The following RIMKLB variants were observed in gnomAD, a reference collection of about 807,000 sequenced individuals.
RIMKLB encodes ribosomal modification protein rimK like family member B.
Under a neutral mutation model 32.0 loss-of-function variants are expected in RIMKLB, and 7 were observed. That is an observed-to-expected ratio of 0.22 (90% CI 0.12 to 0.41). The LOEUF (loss-of-function observed/expected upper bound fraction) is 0.41. Ranked by LOEUF, RIMKLB falls within the 10% of genes least tolerant of loss-of-function variation. The pLI, the probability that RIMKLB is intolerant of heterozygous loss-of-function variation, is 1.00. For missense variants in RIMKLB, 289 were observed against 498.7 expected (o/e 0.58, Z 4.00); for synonymous variants, 172 against 185.1 (o/e 0.93, Z 0.57).
chr12:8,699,719 C>G (rs1425358788), intron 1 of RIMKLB: 2 of 152,136 alleles, frequency 1.3e-5, no homozygotes, highest in Non-Finnish European at 2.9e-5. Flanking sequence ...GGCAACATGG[C>G]TGTTGATGTT....
intron 1 of RIMKLB, among the ~76,000 whole-genome samples, chr12:8,705,862 C>T (rs1943830069): frequency 6.6e-6 from 1 of 152,090 alleles, no homozygotes; most frequent in African/African-American, 2.4e-5. Flanking sequence ...TCTATAAGTC[C>T]TGAGTCTTGA....
At chr12:8,715,227 T>TCC (rs1199660530) in intron 2 of RIMKLB, among the ~76,000 whole-genome samples, 1 of 148,644 alleles carries the variant, frequency 6.7e-6, no homozygotes, top group African/African-American at 2.5e-5. Context: ...GTGCTCTTGT[T>TCC]CTTTTTTTTT....
upstream of RIMKLB, among the ~76,000 whole-genome samples, chr12:8,681,317 C>G (rs1297084019): frequency 6.6e-6 from 1 of 150,534 alleles, no homozygotes; most frequent in Admixed American, 6.6e-5. Context: ...TGTAAACAAA[C>G]AATTGTACAA....
Position 8,713,829 on chromosome 12 carries a change from A to T in RIMKLB, c.-38A>T. 1 of 1,610,454 alleles carries T rather than the reference A, an allele frequency of 6.2e-7. No individual in the cohort carries two copies. The highest frequency in any genetic ancestry group is 1.1e-5 in the South Asian group (1 of 90,988). ...CATCTAGGTAGACGTTACATCCAAG[A>T]GGAAATAATCCAGGCAAGGAAGCAC... On this transcript the variant is annotated 5_prime_UTR_variant, in exon 2 of 6. Transcript: ENST00000535829.
upstream of RIMKLB, among the ~76,000 whole-genome samples, chr12:8,695,815 T>C (rs531537358): frequency 6.6e-6 from 1 of 151,346 alleles, no homozygotes; most frequent in Non-Finnish European, 1.5e-5. Context: ...TGCCTCAGCC[T>C]CCTGAGTAGC....
chr12:8,728,803 T>C (rs1338342862), intron 2 of RIMKLB, among the ~76,000 whole-genome samples: 5 of 151,302 alleles, frequency 3.3e-5, no homozygotes, highest in Admixed American at 2.6e-4. Context: ...GTTTGTTTGT[T>C]TGTTTGTTTG....
At chr12:8,684,677 A>AGGGCAGTG (rs1322139215) in intron 1 of RIMKLB, among the ~76,000 whole-genome samples, 1 of 152,148 alleles carries the variant, frequency 6.6e-6, no homozygotes, top group Admixed American at 6.5e-5. Flanking sequence ...CCCAGGCTGG[A>AGGGCAGTG]GGGCAGTGGC....
intron 2 of RIMKLB, among the ~76,000 whole-genome samples, chr12:8,744,515 T>G (rs1411752345): frequency 6.6e-6 from 1 of 151,896 alleles, no homozygotes; most frequent in Non-Finnish European, 1.5e-5. Context: ...CAATTTACAT[T>G]GTCTTTCTTC....
intron 2 of RIMKLB, among the ~76,000 whole-genome samples, chr12:8,715,075 A>G (rs1011255570): frequency 6.6e-6 from 1 of 152,182 alleles, no homozygotes; most frequent in Admixed American, 6.5e-5. Context: ...CCATAGGTTG[A>G]GTATCACACT....
chr12:8,686,698 G>A (rs2136549045), intron 1 of RIMKLB, among the ~76,000 whole-genome samples: 1 of 152,006 alleles, frequency 6.6e-6, no homozygotes, highest in South Asian at 2.1e-4. Flanking sequence ...TATCCAGGAC[G>A]GTGTCGATCT....
intron 3 of RIMKLB, among the ~76,000 whole-genome samples, chr12:8,751,731 TAA>T (rs1182619614): frequency 2.0e-4 from 30 of 152,218 alleles, no homozygotes; most frequent in Admixed American, 1.0e-3. Context: ...GAAAGATACT[TAA>T]GTTAGATATC....
In RIMKLB at chr12:8,727,653, C is replaced by T. The variant is rs1242488678; in HGVS notation, c.175+13612C>T. On this transcript the variant is annotated intron_variant, in intron 2 of 5. Coordinates refer to ENST00000535829, the MANE Select transcript of RIMKLB (RefSeq NM_001297776.2). Reference sequence around the variant, plus strand: ...CGGACCTTGTTGGCTCATGCCAGCACTTCGGCAGGCTGAGGCGGGCGGATC... The same window carrying T: ...CGGACCTTGTTGGCTCATGCCAGCATTTCGGCAGGCTGAGGCGGGCGGATC... Among the ~76,000 whole-genome samples, 5 of 152,298 alleles carry T rather than the reference C, an allele frequency of 3.3e-5. No individual in the cohort carries two copies. The East Asian group carries it at 9.7e-4, about 29-fold the overall frequency.
At chr12:8,749,593 G>A (rs1224716127) in intron 2 of RIMKLB, among the ~76,000 whole-genome samples, 2 of 152,068 alleles carry the variant, frequency 1.3e-5, no homozygotes, top group Non-Finnish European at 2.9e-5. Flanking sequence ...TTATGTATCT[G>A]GGCATTTGTT....
At chr12:8,738,506 C>G in intron 2 of RIMKLB, among the ~76,000 whole-genome samples, 1 of 152,162 alleles carries the variant, frequency 6.6e-6, no homozygotes, top group East Asian at 1.9e-4. Flanking sequence ...TATGTGAAGT[C>G]CATTAAAATG....
chr12:8,726,553 A>G (rs1191823155), intron 2 of RIMKLB, among the ~76,000 whole-genome samples: 1 of 151,830 alleles, frequency 6.6e-6, no homozygotes, highest in Non-Finnish European at 1.5e-5. Context: ...AGCATGGTAT[A>G]TCTAGCATGG....
intron 2 of RIMKLB, among the ~76,000 whole-genome samples, chr12:8,716,132 C>T (rs1944807637): frequency 6.6e-6 from 1 of 152,066 alleles, no homozygotes; most frequent in Non-Finnish European, 1.5e-5. Flanking sequence ...AGCCATAGTT[C>T]CTTATGAAAT....
At chr12:8,700,142 C>T (rs1212142387) in intron 1 of RIMKLB, 1 of 152,184 alleles carries the variant, frequency 6.6e-6, no homozygotes, top group African/African-American at 2.4e-5. Context: ...CCCTTTTCCT[C>T]TCCAGAGGGA....
intron 2 of RIMKLB, among the ~76,000 whole-genome samples, chr12:8,729,160 C>T (rs745879820): frequency 2.6e-5 from 4 of 152,192 alleles, no homozygotes; most frequent in South Asian, 2.1e-4. Flanking sequence ...CATCCACAGA[C>T]GGCTTAAGTG....
intron 3 of RIMKLB, among the ~76,000 whole-genome samples, chr12:8,751,036 T>C (rs1348960623): frequency 6.6e-6 from 1 of 152,190 alleles, no homozygotes; most frequent in Non-Finnish European, 1.5e-5. Context: ...ACCAAGCCTG[T>C]ATGGCATGTG....
Sources: allele counts gnomAD v4.1 joint callset (sites outside exome capture counted in the v4.1 genomes callset), GRCh38; gene constraint gnomAD v4.1.1; transcripts MANE v1.5; gene names NCBI Gene and HGNC (gene_info 2026-07-23, HGNC 2026-07-21).